SLC22A23: variants seen among roughly 807,000 people sequenced by gnomAD.
The protein encoded by SLC22A23 is solute carrier family 22 member 23, also known as ion transporter protein.
A neutral mutation model predicts 61.0 loss-of-function variants in SLC22A23; 26 were observed. The observed-to-expected ratio is 0.43, with a 90% confidence interval of 0.31 to 0.59. The LOEUF (loss-of-function observed/expected upper bound fraction) is 0.59, where lower values mean the gene tolerates loss of function less well. SLC22A23 is among the 20% of genes least tolerant of loss of function. SLC22A23 has a pLI of 0.11. For missense variants in SLC22A23, 796 were observed against 934.7 expected (o/e 0.85, Z 1.94); for synonymous variants, 430 against 413.9 (o/e 1.04, Z -0.47).
At position 3,386,335 on chromosome 6, in the gene SLC22A23, C is replaced by A. The variant is rs920147114; in HGVS notation, c.913+23853G>T. On this transcript the variant is annotated intron_variant, in intron 3 of 9. Transcript: ENST00000406686. The surrounding 1 kb of genome is among the most constrained non-coding windows in gnomAD (Gnocchi z 4.4). ...TGGCCCAAGCTGGAGGGCAGACAAG[C>A]CTCAGGCTGGAGAGCGAAGGAGAAG... Among the ~76,000 whole-genome samples the A allele has an allele frequency of 1.3e-5, 2 of 152,132 alleles. No homozygotes were observed. The highest frequency in any genetic ancestry group is 2.1e-4 in the South Asian group (1 of 4,822).
intron 1 of SLC22A23, among the ~76,000 whole-genome samples, chr6:3,449,214 A>G (rs1357317073): frequency 6.6e-6 from 1 of 152,266 alleles, no homozygotes; most frequent in Non-Finnish European, 1.5e-5. Flanking sequence ...ATAAGATCAT[A>G]AAAATGTTAG....
intron 3 of SLC22A23, among the ~76,000 whole-genome samples, chr6:3,345,363 C>CTTTTTTTTTTT (rs1163840651): frequency 8.0e-6 from 1 of 124,762 alleles, no homozygotes; most frequent in African/African-American, 3.1e-5. Flanking sequence ...TATCTCTTTT[C>CTTTTTTTTTTT]TTTTTTTTTT....
At chr6:3,323,706 C>A (rs1330916080) in intron 4 of SLC22A23, 128 bp downstream of exon 4, 15 of 1,117,886 alleles carry the variant, frequency 1.3e-5, no homozygotes, top group Non-Finnish European at 1.7e-5. Flanking sequence ...GAGAGGAAAA[C>A]CTTCTCAGAC....
chr6:3,315,109 G>A (rs903989952), intron 4 of SLC22A23, among the ~76,000 whole-genome samples: 6 of 152,168 alleles, frequency 3.9e-5, no homozygotes, highest in Middle Eastern at 3.4e-3. Context: ...AGGTGGGCTC[G>A]AGGTGAGAAT....
intron 4 of SLC22A23, among the ~76,000 whole-genome samples, chr6:3,305,089 G>A (rs144229526): frequency 5.3e-5 from 8 of 152,212 alleles, no homozygotes; most frequent in East Asian, 1.9e-4. Context: ...TCCCCATGAC[G>A]GGATTTACAA....
chr6:3,389,302 A>G (rs1325499127), intron 3 of SLC22A23, among the ~76,000 whole-genome samples: 1 of 151,014 alleles, frequency 6.6e-6, no homozygotes, highest in Admixed American at 6.6e-5. Context: ...AAAAGCAACA[A>G]CAACAAAGTG....
At chr6:3,334,408 G>T (rs561466310) in intron 3 of SLC22A23, among the ~76,000 whole-genome samples, 1 of 152,168 alleles carries the variant, frequency 6.6e-6, no homozygotes, top group Admixed American at 6.5e-5. Context: ...CGATTCACCC[G>T]CCTCGGCCTC....
At chr6:3,321,588 A>T (rs1013607861) in intron 4 of SLC22A23, among the ~76,000 whole-genome samples, 1 of 152,144 alleles carries the variant, frequency 6.6e-6, no homozygotes, top group Non-Finnish European at 1.5e-5. Context: ...ATTAAAAAAA[A>T]AACAAAACAA....
intron 3 of SLC22A23, among the ~76,000 whole-genome samples, chr6:3,370,207 T>G (rs1049456262): frequency 1.3e-5 from 2 of 152,208 alleles, no homozygotes; most frequent in African/African-American, 4.8e-5. Flanking sequence ...TAGCCATACG[T>G]AGGAAGGCAA....
intron 5 of SLC22A23, among the ~76,000 whole-genome samples, chr6:3,294,465 C>G (rs1217895294): frequency 6.6e-6 from 1 of 152,104 alleles, no homozygotes; most frequent in Non-Finnish European, 1.5e-5. Context: ...TACAAATATC[C>G]CCAAATCCCA....
At chr6:3,288,184 G>A (rs1561869031) in intron 6 of SLC22A23, among the ~76,000 whole-genome samples, 1 of 152,212 alleles carries the variant, frequency 6.6e-6, no homozygotes, top group Non-Finnish European at 1.5e-5. Context: ...AACCTTTGGG[G>A]TGTACCTGTG....
At chr6:3,295,208 C>T (rs1252012872) in intron 5 of SLC22A23, among the ~76,000 whole-genome samples, 3 of 152,186 alleles carry the variant, frequency 2.0e-5, no homozygotes, top group South Asian at 4.1e-4. Context: ...AATTACTCGT[C>T]GTAGCTGGGA....
At position 3,329,424 on chromosome 6, in the gene SLC22A23, G is replaced by C. The variant is rs1763461227; in HGVS notation, c.914-5422C>G. Among the ~76,000 whole-genome samples, 1 of 152,178 alleles carries C rather than the reference G, an allele frequency of 6.6e-6. No individual in the cohort carries two copies. The highest frequency in any genetic ancestry group is 2.4e-5 in the African/African-American group (1 of 41,428). On this transcript the variant is annotated intron_variant, in intron 3 of 9. Transcript: ENST00000406686. This position sits in a 1 kb window ranked among gnomAD's most constrained non-coding sequence, Gnocchi z 4.8. ...TGGCTTCTCTGAAATGAGAGTACAG[G>C]ATTTTTCTGGACTGGAGTTGGCAAG...
intron 1 of SLC22A23, among the ~76,000 whole-genome samples, chr6:3,441,627 C>T (rs999924329): frequency 6.6e-6 from 1 of 152,218 alleles, no homozygotes; most frequent in Non-Finnish European, 1.5e-5. Flanking sequence ...GACTCCTCTG[C>T]GCCCCTGCAC....
At chr6:3,340,103 G>A (rs1360635514) in intron 3 of SLC22A23, among the ~76,000 whole-genome samples, 3 of 152,106 alleles carry the variant, frequency 2.0e-5, no homozygotes, top group African/African-American at 7.2e-5. Context: ...CCCAGAGAGC[G>A]CTCCCACAAA....
chr6:3,332,292 G>A (rs747974648), intron 3 of SLC22A23, among the ~76,000 whole-genome samples: 28 of 152,238 alleles, frequency 1.8e-4, no homozygotes, highest in Middle Eastern at 3.4e-3. Context: ...GGGGCTGGGC[G>A]TATGGTAAAC....
At chr6:3,366,718 T>C (rs1174377950) in intron 3 of SLC22A23, among the ~76,000 whole-genome samples, 1 of 152,160 alleles carries the variant, frequency 6.6e-6, no homozygotes, top group East Asian at 1.9e-4. Flanking sequence ...CAGTCCAAAA[T>C]ATCAGCCTCA....
At chr6:3,345,725 G>A (rs1764397091) in intron 3 of SLC22A23, among the ~76,000 whole-genome samples, 1 of 152,248 alleles carries the variant, frequency 6.6e-6, no homozygotes, top group South Asian at 2.1e-4. Context: ...TAAGAGAAAC[G>A]TGGGACTTGT....
intron 3 of SLC22A23, among the ~76,000 whole-genome samples, chr6:3,341,227 G>A (rs191309589): frequency 7.9e-5 from 12 of 152,304 alleles, no homozygotes; most frequent in Admixed American, 5.2e-4. Context: ...CCCTCCCTCC[G>A]ATCAAGCTGA....
Sources: gnomAD v4.1 joint callset for allele counts (sites outside exome capture counted in the v4.1 genomes callset) on GRCh38, gnomAD v4.1.1 for gene constraint, Gnocchi (gnomAD v3.1) non-coding constraint, MANE v1.5 for transcripts, NCBI Gene and HGNC (gene_info 2026-07-23, HGNC 2026-07-21) for gene names.